The following FBXL17 variants were observed in gnomAD, a reference collection of about 807,000 sequenced individuals.
The protein encoded by FBXL17 is F-box and leucine rich repeat protein 17, also known as F-box/LRR-repeat protein 17.
A neutral mutation model predicts 66.2 loss-of-function variants in FBXL17; 22 were observed. That is an observed-to-expected ratio of 0.33 (90% CI 0.24 to 0.47). FBXL17 has a LOEUF of 0.47. FBXL17 is among the 20% of genes least tolerant of loss of function. The pLI is 1.00. For missense variants in FBXL17, 878 were observed against 948.2 expected (o/e 0.93, Z 0.97); for synonymous variants, 474 against 400.5 (o/e 1.18, Z -2.19).
intron 6 of FBXL17, among the ~76,000 whole-genome samples, chr5:108,087,122 A>T (rs1364177414): frequency 1.3e-5 from 2 of 152,190 alleles, no homozygotes; most frequent in African/African-American, 4.8e-5. Flanking sequence ...GATTGAGGAA[A>T]TTCTGAAACC....
chr5:108,085,008 T>G (rs1331380404), intron 6 of FBXL17, among the ~76,000 whole-genome samples: 1 of 152,264 alleles, frequency 6.6e-6, no homozygotes. Context: ...GTTTACATTT[T>G]TGAATTATCT....
intron 7 of FBXL17, among the ~76,000 whole-genome samples, chr5:108,003,391 G>A (rs765601839): frequency 9.9e-5 from 15 of 152,050 alleles, no homozygotes; most frequent in Non-Finnish European, 1.9e-4. Context: ...AAGCACATCC[G>A]TTAACACAGG....
At chr5:108,255,653 T>C (rs1278352619) in intron 4 of FBXL17, among the ~76,000 whole-genome samples, 3 of 152,170 alleles carry the variant, frequency 2.0e-5, no homozygotes, top group Non-Finnish European at 4.4e-5. Context: ...CTAGTTTCAC[T>C]GCCTGCAAGC....
intron 7 of FBXL17, among the ~76,000 whole-genome samples, chr5:107,918,482 G>C (rs983738835): frequency 6.6e-6 from 1 of 152,152 alleles, no homozygotes; most frequent in Non-Finnish European, 1.5e-5. Context: ...GAAAACTTGA[G>C]TAGCTTGTAT....
intron 6 of FBXL17, among the ~76,000 whole-genome samples, chr5:108,057,449 A>G (rs1195331772): frequency 6.6e-6 from 1 of 152,210 alleles, no homozygotes; most frequent in Non-Finnish European, 1.5e-5. Context: ...CACATTTTTC[A>G]CATCTTTCCC....
intron 5 of FBXL17, among the ~76,000 whole-genome samples, chr5:108,198,314 C>T (rs60381359): frequency 0.068 from 10,411 of 152,054 alleles, 1,195 homozygotes; most frequent in African/African-American, 0.24. Flanking sequence ...AACCCATGCT[C>T]CAAAGTCTGC....
chr5:107,862,355 T>C (rs1311361526), intron 8 of FBXL17, among the ~76,000 whole-genome samples: 1 of 151,878 alleles, frequency 6.6e-6, no homozygotes, highest in African/African-American at 2.4e-5. Context: ...CAAGTTCCTT[T>C]GTGAAAAGGG....
chr5:107,893,034 A>T lies in FBXL17; in HGVS notation c.1823-11855T>A, dbSNP rs189385253. Among the ~76,000 whole-genome samples the T allele has an allele frequency of 3.0e-3, 454 of 152,254 alleles. 5 individuals carry two copies. Among genetic ancestry groups the T allele is most frequent in the Middle Eastern group, 0.01 (3 of 294 alleles). ...TGTCTAATATACCTGTCTATCTCTC[A>T]AGTCCAGCAATTATTTCAATTCAAA... On this transcript the variant is annotated intron_variant, in intron 7 of 8. Transcript: ENST00000542267.
At chr5:107,921,737 C>T (rs1164381675) in intron 7 of FBXL17, among the ~76,000 whole-genome samples, 1 of 152,200 alleles carries the variant, frequency 6.6e-6, no homozygotes, top group Non-Finnish European at 1.5e-5. Context: ...AGCTCTTGCT[C>T]TGAGCACTGC....
chr5:107,943,327 T>C (rs1023637785), intron 7 of FBXL17, among the ~76,000 whole-genome samples: 3 of 152,030 alleles, frequency 2.0e-5, no homozygotes, highest in African/African-American at 4.8e-5. Context: ...CCTCACACCA[T>C]CTTCCCCCAC....
At position 108,007,783 on chromosome 5, in the gene FBXL17, A is replaced by T. The variant is rs527809240; in HGVS notation, c.1822+13142T>A. ...GAAGATGAAGCATGAACTTCATGCA[A>T]AAGACAGCATAACGATAGAAAGGCT... On this transcript the variant is annotated intron_variant, in intron 7 of 8. Transcript: ENST00000542267. 2.6e-5 allele frequency among the ~76,000 whole-genome samples: 4 copies of T among 152,300 alleles called. 1 individual carries two copies. Among genetic ancestry groups the T allele is most frequent in the African/African-American group, 9.6e-5 (4 of 41,564 alleles).
chr5:108,315,015 C>A (rs887043019), intron 4 of FBXL17, among the ~76,000 whole-genome samples: 2 of 150,660 alleles, frequency 1.3e-5, no homozygotes, highest in Admixed American at 1.3e-4. Context: ...CCATTATTTT[C>A]ACTATGAGAA....
At chr5:108,159,365 C>T (rs538513486) in intron 6 of FBXL17, among the ~76,000 whole-genome samples, 7 of 152,302 alleles carry the variant, frequency 4.6e-5, no homozygotes, top group South Asian at 2.1e-4. Flanking sequence ...GCATATACTA[C>T]GGTGTGAATG....
At chr5:108,347,892 A>G (rs905376063) in intron 4 of FBXL17, among the ~76,000 whole-genome samples, 6 of 152,182 alleles carry the variant, frequency 3.9e-5, no homozygotes, top group Non-Finnish European at 7.4e-5. Context: ...ATGTGTCTGC[A>G]TTACCCATGT....
At chr5:108,269,703 G>T (rs1027241356) in intron 4 of FBXL17, among the ~76,000 whole-genome samples, 3 of 151,914 alleles carry the variant, frequency 2.0e-5, no homozygotes, top group Non-Finnish European at 4.4e-5. Flanking sequence ...CACCTAGACA[G>T]ATTGTAAGGT....
At chr5:107,989,882 A>C (rs535865100) in intron 7 of FBXL17, among the ~76,000 whole-genome samples, 1 of 152,268 alleles carries the variant, frequency 6.6e-6, no homozygotes, top group Non-Finnish European at 1.5e-5. Flanking sequence ...TTTCTCCACC[A>C]GGTTTACTGA....
intron 8 of FBXL17, among the ~76,000 whole-genome samples, chr5:107,864,090 G>A (rs1748208148): frequency 6.6e-6 from 1 of 152,160 alleles, no homozygotes; most frequent in Admixed American, 6.5e-5. Flanking sequence ...TGTAAAGACA[G>A]GATAAAAGTA....
intron 4 of FBXL17, among the ~76,000 whole-genome samples, chr5:108,301,138 C>A (rs1019106069): frequency 6.6e-6 from 1 of 151,564 alleles, no homozygotes; most frequent in Non-Finnish European, 1.5e-5. Context: ...TGAAAATGTA[C>A]AAAAACACTC....
At chr5:108,082,832 T>C (rs760525076) in intron 6 of FBXL17, among the ~76,000 whole-genome samples, 2 of 152,196 alleles carry the variant, frequency 1.3e-5, no homozygotes, top group African/African-American at 2.4e-5. Flanking sequence ...CCAAAAGAGA[T>C]ATAAAAAGAT....
Sources: gnomAD v4.1 joint callset for allele counts (sites outside exome capture counted in the v4.1 genomes callset) on GRCh38, gnomAD v4.1.1 for gene constraint, MANE v1.5 for transcripts, NCBI Gene and HGNC (gene_info 2026-07-23, HGNC 2026-07-21) for gene names.